The following RANBP2 variants were observed in gnomAD, a reference collection of about 807,000 sequenced individuals.
RANBP2 encodes the protein RAN binding protein 2.
RANBP2 carries 57 observed loss-of-function variants against 303.6 expected under a neutral mutation model. The observed-to-expected ratio is 0.19, with a 90% confidence interval of 0.15 to 0.23. RANBP2 has a LOEUF of 0.23. RANBP2 is among the 10% of genes least tolerant of loss of function. RANBP2 has a pLI of 1.00. For missense variants in RANBP2, 3,138 were observed against 3,780.8 expected, an observed-to-expected ratio of 0.83 and a Z score of 4.46; for synonymous variants, 1,167 against 1,301.5, an observed-to-expected ratio of 0.90 and a Z score of 2.23.
At chr2:108,985,348 C>T in the RANBP2 span, among the ~76,000 whole-genome samples, 29,075 of 152,118 alleles carry the variant, frequency 0.19, 3,013 homozygotes, top group Middle Eastern at 0.27. Flanking sequence ...AGTGAAGGCG[C>T]GCCTTCCTAC....
chr2:109,205,643 A>G, the RANBP2 span, among the ~76,000 whole-genome samples: 1 of 152,188 alleles, frequency 6.6e-6, no homozygotes. Flanking sequence ...TGAGAATCAC[A>G]TGGCTCAGTC....
the RANBP2 span, among the ~76,000 whole-genome samples, chr2:109,778,451 A>G: frequency 6.7e-6 from 1 of 149,914 alleles, no homozygotes; most frequent in African/African-American, 2.5e-5. Context: ...TTATCTCAAC[A>G]AAGGTGATTT....
At chr2:109,727,074 CCACAAGCACTG>C in the RANBP2 span, among the ~76,000 whole-genome samples, 1,866 of 152,284 alleles carry the variant, frequency 0.012, 43 homozygotes, top group African/African-American at 0.043. Context: ...GCTTCCTAAA[CCACAAGCACTG>C]TGCATCACCT....
the RANBP2 span, among the ~76,000 whole-genome samples, chr2:109,679,856 A>G: frequency 6.6e-6 from 1 of 152,174 alleles, no homozygotes; most frequent in Non-Finnish European, 1.5e-5. Flanking sequence ...CACTGTGAAT[A>G]AGTTTCCAGC....
chr2:109,561,860 A>G, the RANBP2 span, among the ~76,000 whole-genome samples: 5 of 152,290 alleles, frequency 3.3e-5, no homozygotes, highest in South Asian at 4.1e-4. Context: ...TTCAAATTAC[A>G]TATCCTTAGC....
the RANBP2 span, among the ~76,000 whole-genome samples, chr2:109,281,545 G>A: frequency 2.0e-5 from 3 of 152,132 alleles, no homozygotes; most frequent in Non-Finnish European, 4.4e-5. Context: ...AAGGGATGAG[G>A]GAGGGTGATT....
the RANBP2 span, among the ~76,000 whole-genome samples, chr2:108,982,239 A>T: frequency 3.3e-5 from 5 of 152,216 alleles, no homozygotes; most frequent in African/African-American, 1.2e-4. Context: ...GTTCCAGGGT[A>T]AACAGGAAAG....
chr2:109,168,141 T>C, the RANBP2 span, among the ~76,000 whole-genome samples: 1 of 152,202 alleles, frequency 6.6e-6, no homozygotes, highest in Non-Finnish European at 1.5e-5. Flanking sequence ...TAGGCTTAAA[T>C]TGTGTGCTTT....
the RANBP2 span, among the ~76,000 whole-genome samples, chr2:109,620,657 G>A: frequency 6.6e-6 from 1 of 152,056 alleles, no homozygotes; most frequent in African/African-American, 2.4e-5. Flanking sequence ...AGCTGAGATT[G>A]TGCCACTGCA....
At chr2:108,978,411 T>C in the RANBP2 span, among the ~76,000 whole-genome samples, 1 of 152,170 alleles carries the variant, frequency 6.6e-6, no homozygotes, top group Non-Finnish European at 1.5e-5. Flanking sequence ...TCAAACTTGG[T>C]CGACTCTGCG....
the RANBP2 span, among the ~76,000 whole-genome samples, chr2:108,829,050 A>G: frequency 6.6e-6 from 1 of 152,196 alleles, no homozygotes; most frequent in Admixed American, 6.5e-5. Flanking sequence ...AACTCTTAGA[A>G]GAAGACACAG....
the RANBP2 span, among the ~76,000 whole-genome samples, chr2:109,300,595 A>G: frequency 1.3e-5 from 2 of 152,176 alleles, no homozygotes; most frequent in Non-Finnish European, 2.9e-5. Context: ...TGATTGGCAA[A>G]TATGCACTGG....
chr2:108,920,244 C>T, the RANBP2 span, among the ~76,000 whole-genome samples: 3 of 152,236 alleles, frequency 2.0e-5, no homozygotes, highest in African/African-American at 7.2e-5. Context: ...GCATCGCCCA[C>T]GTCATCACAT....
At chr2:109,375,794 C>T in the RANBP2 span, among the ~76,000 whole-genome samples, 1 of 152,250 alleles carries the variant, frequency 6.6e-6, no homozygotes, top group East Asian at 1.9e-4. Context: ...CAGGCCTCGG[C>T]CCAGCCCTCA....
rs1678468563 is a variant in RANBP2 at position 108,784,481 on chromosome 2, T to G, written c.*580T>G. 6.5e-6 allele frequency: 1 copy of G among 152,744 alleles called. No individual in the cohort carries two copies. The highest frequency in any genetic ancestry group is 1.5e-5 in the Non-Finnish European group (1 of 68,098). 9.5% of individuals were successfully genotyped at this position (152,744 alleles called of 1,614,324 possible). The stretch of plus-strand genomic sequence containing the variant: ...AACTTTGTAAGTAGCGTACCTTCCT[T>G]CCTTAAAATATCTAGCTTCCTGTGC... On this transcript the variant is annotated 3_prime_UTR_variant, in exon 29 of 29. Transcript: ENST00000283195.
the RANBP2 span, among the ~76,000 whole-genome samples, chr2:109,601,302 C>T: frequency 6.6e-6 from 1 of 152,206 alleles, no homozygotes; most frequent in East Asian, 1.9e-4. Flanking sequence ...AAAGACATCA[C>T]TTTGGAAGTT....
the RANBP2 span, among the ~76,000 whole-genome samples, chr2:109,049,490 C>T: frequency 6.6e-6 from 1 of 152,106 alleles, no homozygotes; most frequent in African/African-American, 2.4e-5. Flanking sequence ...AAGAGATGAC[C>T]CCTCACCCCT....
the RANBP2 span, among the ~76,000 whole-genome samples, chr2:109,236,994 G>A: frequency 6.6e-6 from 1 of 152,186 alleles, no homozygotes; most frequent in African/African-American, 2.4e-5. Context: ...GACACAGAAA[G>A]ATCAGGGGAA....
chr2:109,003,416 CT>C, the RANBP2 span, among the ~76,000 whole-genome samples: 45 of 144,520 alleles, frequency 3.1e-4, no homozygotes, highest in Admixed American at 2.8e-4. Flanking sequence ...TTTTTTTCTT[CT>C]TTTTTTTTTT....
Sources: gnomAD v4.1 joint callset for allele counts (sites outside exome capture counted in the v4.1 genomes callset) on GRCh38, gnomAD v4.1.1 for gene constraint, MANE v1.5 for transcripts, NCBI Gene and HGNC (gene_info 2026-07-23, HGNC 2026-07-21) for gene names.